RNF213: variants seen among roughly 807,000 people sequenced by gnomAD.
The protein encoded by RNF213 is ring finger protein 213, also known as E3 ubiquitin-protein ligase RNF213.
RNF213 carries 341 observed loss-of-function variants against 514.4 expected under a neutral mutation model. The observed-to-expected ratio is 0.66, with a 90% CI of 0.61 to 0.73. The LOEUF is 0.73. RNF213 is among the 30% of genes least tolerant of loss of function. The pLI, the probability that RNF213 is intolerant of heterozygous loss-of-function variation, is 0.00. For missense variants in RNF213, 5,767 were observed against 6,615.6 expected, an observed-to-expected ratio of 0.87 and a Z score of 4.45; for synonymous variants, 2,655 against 2,658.2, an observed-to-expected ratio of 1.00 and a Z score of 0.04.
At chr17:80,276,604 C>T (rs1172706981) in intron 3 of RNF213, among the ~76,000 whole-genome samples, 1 of 149,512 alleles carries the variant, frequency 6.7e-6, no homozygotes, top group East Asian at 2.0e-4. Context: ...GAGATCCTTC[C>T]TCAAAGAGAG....
chr17:80,313,236 T>C, intron 15 of RNF213, 69 bp downstream of exon 15: 3 of 1,596,788 alleles, frequency 1.9e-6, no homozygotes, highest in East Asian at 2.2e-5. Flanking sequence ...CCTCAAATCA[T>C]GGGGTACAGG....
chr17:80,267,075 G>A (rs1369010570), intron 2 of RNF213, among the ~76,000 whole-genome samples: 1 of 152,044 alleles, frequency 6.6e-6, no homozygotes, highest in African/African-American at 2.4e-5. Flanking sequence ...AAATTAGCTG[G>A]GTGTGGTGGC....
At chr17:80,333,397 T>G (rs1261627393) in intron 21 of RNF213, among the ~76,000 whole-genome samples, 1 of 150,382 alleles carries the variant, frequency 6.6e-6, no homozygotes, top group Non-Finnish European at 1.5e-5. Context: ...TAGACCGAGA[T>G]AATGATTAGA....
At chr17:80,374,647 G>A in intron 50 of RNF213, 58 bp downstream of exon 50, 2 of 1,594,654 alleles carry the variant, frequency 1.3e-6, no homozygotes, top group South Asian at 1.1e-5. Flanking sequence ...GAGCCTGCAT[G>A]TTCCCTGGTT....
At position 80,353,224 on chromosome 17, in the gene RNF213, C is replaced by A; in HGVS notation, c.10423+165C>A. 1 of 1,004,892 alleles carries A rather than the reference C, an allele frequency of 1.0e-6. No individual in the cohort carries two copies. Among genetic ancestry groups the A allele is most frequent in the Non-Finnish European group, 1.5e-6 (1 of 671,288 alleles). 62.2% of individuals were successfully genotyped at this position (1,004,892 alleles called of 1,614,324 possible). ...AACTGACTGGTGGCTCATCATAGAG[C>A]ACCAGGGCCGAGCAGGTGCGCTTAC... On this transcript the variant is annotated intron_variant, in intron 33 of 67. Coordinates refer to ENST00000582970, the MANE Select transcript of RNF213 (RefSeq NM_001256071.3). The surrounding 1 kb of genome is among the most constrained non-coding windows in gnomAD (Gnocchi z 5.0).
At chr17:80,275,963 G>GTTT (rs540150231) in intron 3 of RNF213, among the ~76,000 whole-genome samples, 4 of 144,408 alleles carry the variant, frequency 2.8e-5, no homozygotes, top group African/African-American at 1.0e-4. Flanking sequence ...TGCCTGGCCA[G>GTTT]TTTTTTTTTT....
chr17:80,262,727 C>T (rs896350612), intron 1 of RNF213, among the ~76,000 whole-genome samples: 2 of 152,210 alleles, frequency 1.3e-5, no homozygotes, highest in Non-Finnish European at 2.9e-5. Flanking sequence ...ATAGATTAGT[C>T]TCCCACACAG....
At chr17:80,342,535 T>TC (rs772984070) in intron 26 of RNF213, among the ~76,000 whole-genome samples, 32 of 112,180 alleles carry the variant, frequency 2.9e-4, no homozygotes, top group African/African-American at 2.7e-4. Flanking sequence ...GGACTTAATT[T>TC]TTCTCTCTCT....
Position 80,337,996 on chromosome 17 carries a change from A to G in RNF213, c.4832A>G (p.Glu1611Gly). 6.5e-7 allele frequency: 1 copy of G among 1,537,234 alleles called. No individual in the cohort carries two copies. The change falls in exon 25 of 68, where the codon GAG becomes GGG. Residue 1611 changes from glutamate (E) to glycine (G), a missense_variant and splice_region_variant. Glu to Gly is a moderately conservative substitution (Grantham distance 98). Coordinates refer to ENST00000582970, the MANE Select transcript of RNF213 (RefSeq NM_001256071.3). ...RNNTEVERFSEVFCSVQRLSQ... is the reference protein window; with the variant it reads ...RNNTEVERFSGVFCSVQRLSQ... ...AACACGGAAGTGGAGAGGTTTTCAG[A>G]GGTGAGGGCGCATCTTTGCAGTGGC...
At chr17:80,283,070 G>A (rs1018988373) in intron 3 of RNF213, among the ~76,000 whole-genome samples, 4 of 152,126 alleles carry the variant, frequency 2.6e-5, no homozygotes, top group Non-Finnish European at 5.9e-5. Context: ...ATAAAATTAT[G>A]TAAATACTTC....
At chr17:80,325,944 T>TTTA (rs2046269486) in intron 18 of RNF213, among the ~76,000 whole-genome samples, 1 of 148,260 alleles carries the variant, frequency 6.7e-6, no homozygotes, top group African/African-American at 2.4e-5. Flanking sequence ...TTTGTATTTA[T>TTTA]TTATTTATTT....
In RNF213 at chr17:80,306,259, C is replaced by T; in HGVS notation, c.2218C>T (p.Leu740=). The part of the protein sequence containing the change: ...FREQMLDTSS[L]LQFMREKQHL... ...CCTATTTCTCTTATGCAGGAGTTCC[C>T]TACTTCAGTTTATGAGAGAGAAGCA... Residue 740 remains leucine, a synonymous_variant, in exon 12 of 68, where the codon CTA becomes TTA. Coordinates refer to ENST00000582970, the MANE Select transcript of RNF213 (RefSeq NM_001256071.3). The T allele has an allele frequency of 1.2e-6, 2 of 1,614,098 alleles. No homozygotes were observed. The highest frequency in any genetic ancestry group is 2.7e-5 in the African/African-American group (2 of 75,020).
At chr17:80,308,343 C>A (rs1289171159) in intron 13 of RNF213, among the ~76,000 whole-genome samples, 4 of 152,066 alleles carry the variant, frequency 2.6e-5, no homozygotes, top group Non-Finnish European at 5.9e-5. Context: ...ACACCGCCTT[C>A]CCAGTCCCCT....
chr17:80,388,917 T>A (rs1008293644), intron 64 of RNF213: 1 of 623,882 alleles, frequency 1.6e-6, no homozygotes, highest in Non-Finnish European at 2.9e-6. Flanking sequence ...TGTTGATGCA[T>A]GGCCATGCCT....
intron 14 of RNF213, among the ~76,000 whole-genome samples, chr17:80,310,736 G>A (rs928989020): frequency 1.6e-4 from 24 of 151,808 alleles, no homozygotes; most frequent in African/African-American, 5.6e-4. Flanking sequence ...ATTTTTAGTC[G>A]AGACAGGATT....
chr17:80,386,805 G>A lies in RNF213; in HGVS notation c.14836G>A (p.Glu4946Lys), dbSNP rs1252351888. The change falls in exon 63 of 68, where the codon GAG (glutamate) becomes AAG (lysine). Residue 4946 changes from glutamate to lysine, a missense_variant. Physicochemically the swap from Glu to Lys is moderately conservative, Grantham distance 56. Around this residue, in one of 13 missense-constraint regions of RNF213, gnomAD observed 1,245 missense variants for 1,339.0 expected, o/e 0.93. Transcript: ENST00000582970. ...NCQYQVEEGR[E>K]TVQEFDLEKI... Reference sequence around the variant, plus strand: ...CCAGTACCAGGTGGAGGAGGGCAGAGAGACCGTGCAGGAGTTCGATCTGGA... The same window carrying A: ...CCAGTACCAGGTGGAGGAGGGCAGAAAGACCGTGCAGGAGTTCGATCTGGA... 6.2e-7 allele frequency: 1 copy of A among 1,614,156 alleles called. No individual in the cohort carries two copies. The highest frequency in any genetic ancestry group is 8.5e-7 in the Non-Finnish European group (1 of 1,180,058).
chr17:80,395,122 T>G lies in RNF213; in HGVS notation c.*1624T>G, dbSNP rs1034740738. 1 of 152,214 alleles carries G rather than the reference T, an allele frequency of 6.6e-6. No individual in the cohort carries two copies. The highest frequency in any genetic ancestry group is 1.5e-5 in the Non-Finnish European group (1 of 68,042). 9.4% of individuals were successfully genotyped at this position (152,214 alleles called of 1,614,324 possible). The stretch of plus-strand genomic sequence containing the variant: ...TTTTTTTCCTTTGGCCTGGGAATTT[T>G]TCCCATTTTTATGAAGGGGTTTTAA... On this transcript the variant is annotated 3_prime_UTR_variant, in exon 68 of 68. Coordinates refer to ENST00000582970, the MANE Select transcript of RNF213 (RefSeq NM_001256071.3).
intron 15 of RNF213, among the ~76,000 whole-genome samples, chr17:80,313,442 TTGGTGGTGGTGGTGGTAGAGGTGA>T (rs898527941): frequency 6.0e-4 from 7 of 11,696 alleles, no homozygotes; most frequent in African/African-American, 2.3e-3. Flanking sequence ...ATGGTGATGG[TTGGTGGTGGTGGTGGTAGAGGTGA>T]TGGTGGTGGA....
rs149274020 is a variant in RNF213 at position 80,289,019 on chromosome 17, C to T, written c.933+264C>T. 1.6e-3 allele frequency among the ~76,000 whole-genome samples: 238 copies of T among 152,242 alleles called. 2 individuals carry two copies. The East Asian group carries it at 0.038, about 24-fold the overall frequency. On this transcript the variant is annotated intron_variant, in intron 5 of 67. Transcript: ENST00000582970. ...GGCACCCACAGCCCGAGTGGCCGGG[C>T]GAGGCCTCTCTTAGGAGGTGGTGAG...
Sources: allele counts gnomAD v4.1 joint callset (sites outside exome capture counted in the v4.1 genomes callset), GRCh38; gene constraint gnomAD v4.1.1; regional missense constraint gnomAD v4.1.1; non-coding constraint Gnocchi (gnomAD v3.1); transcripts MANE v1.5; gene names NCBI Gene and HGNC (gene_info 2026-07-23, HGNC 2026-07-21).